The following VPS37D variants were observed in gnomAD, a reference collection of about 807,000 sequenced individuals.
VPS37D encodes the protein VPS37D subunit of ESCRT-I.
Under a neutral mutation model 22.0 loss-of-function variants are expected in VPS37D, and 5 were observed. The ratio of observed to expected loss-of-function variants is 0.23; its 90% confidence interval spans 0.12 to 0.48. The LOEUF (loss-of-function observed/expected upper bound fraction) is 0.48. VPS37D is among the 20% of genes least tolerant of loss of function. VPS37D has a pLI of 0.99. For synonymous variants in VPS37D, 174 were observed against 159.3 expected (o/e 1.09, Z -0.69); for missense variants, 384 against 345.8 (o/e 1.11, Z -0.88).
chr7:73,670,451 T>C (rs1797482891), intron 3 of VPS37D, among the ~76,000 whole-genome samples: 1 of 152,186 alleles, frequency 6.6e-6, no homozygotes, highest in Non-Finnish European at 1.5e-5. Context: ...ATACTTCACA[T>C]ATGTCCCTGC....
chr7:73,667,752 C>T (rs140425075), upstream of VPS37D: 6,404 of 153,216 alleles, frequency 0.042, 248 homozygotes, highest in South Asian at 0.19. Flanking sequence ...GGGAGGGGTG[C>T]GGCCCGCCTC....
At chr7:73,667,150 A>G (rs1554608801), upstream of VPS37D, among the ~76,000 whole-genome samples, 1 of 150,458 alleles carries the variant, frequency 6.6e-6, no homozygotes, top group African/African-American at 2.5e-5. Flanking sequence ...TTTTTTTTGT[A>G]TTTTTAGTAG....
In VPS37D at chr7:73,671,600, C is replaced by T. The variant is rs993538893; in HGVS notation, c.*224C>T. The T allele has an allele frequency of 2.3e-5, 6 of 258,328 alleles. No individual in the cohort carries two copies. The highest frequency in any genetic ancestry group is 8.9e-5 in the African/African-American group (4 of 45,006). 16.0% of individuals were successfully genotyped at this position (258,328 alleles called of 1,614,324 possible). On this transcript the variant is annotated 3_prime_UTR_variant, in exon 4 of 4. Transcript: ENST00000324941. ...TTTATGCCTCTGGCGCTGAAGACAC[C>T]CTGCCTTTTTTGTTTCCGTGCCCCG...
chr7:73,667,503 G>A (rs1430677098), upstream of VPS37D, among the ~76,000 whole-genome samples: 1 of 152,164 alleles, frequency 6.6e-6, no homozygotes, highest in Non-Finnish European at 1.5e-5. Context: ...GGGCTGCAAG[G>A]CAGGAGCCCT....
At position 73,669,583 on chromosome 7, in the gene VPS37D, G is replaced by A. The variant is rs1334286742; in HGVS notation, c.303G>A (p.Gln101=). 3.1e-6 allele frequency: 5 copies of A among 1,589,524 alleles called. No individual in the cohort carries two copies. The highest frequency in any genetic ancestry group is 4.3e-6 in the Non-Finnish European group (5 of 1,167,758). ...EVAENCADKL[Q]RLEESMHRWS... ...CCGAGAACTGCGCGGACAAGCTGCAGCGACTGGGTGAGGGCACGTCTGGGA... is the reference window on the plus strand; with the variant it reads ...CCGAGAACTGCGCGGACAAGCTGCAACGACTGGGTGAGGGCACGTCTGGGA... The change falls in exon 2 of 4, where the codon CAG becomes CAA. Residue 101 remains glutamine (Q), a synonymous_variant. Coordinates refer to ENST00000324941, the MANE Select transcript of VPS37D (RefSeq NM_001077621.2).
rs1797523423 is a variant in VPS37D, at chr7:73,671,775, G to C, written c.*399G>C. ...GCTCGCACAACGCCAAGGCCGCCAG[G>C]AGTGTTTTACATCATGTCCTGAGCC... On this transcript the variant is annotated 3_prime_UTR_variant, in exon 4 of 4. Coordinates refer to ENST00000324941, the MANE Select transcript of VPS37D (RefSeq NM_001077621.2). 2 of 152,644 alleles carry C rather than the reference G, an allele frequency of 1.3e-5. No individual in the cohort carries two copies. The highest frequency in any genetic ancestry group is 4.8e-5 in the African/African-American group (2 of 41,454). The allele number at this position is 152,644 out of a possible 1,614,324, so 9.5% of individuals were successfully genotyped here. A position where few individuals can be genotyped will look rare whatever the true frequency, so the allele number is the denominator to read the frequency against.
rs1797510090 is a variant in VPS37D, at chr7:73,671,352, G to A, written c.732G>A (p.Ser244=). Residue 244 remains serine (S), a synonymous_variant, in exon 4 of 4, where the codon TCG becomes TCA. Transcript: ENST00000324941. ...CCCCCCTGCTGAGCCCTCGGCCCTC[G>A]CAGCCAGAGCCCCCCCACCGGTAGG... is the stretch of plus-strand genomic sequence containing the variant. ...GPAPLLSPRP[S]QPEPPHR 7 of 1,375,968 alleles carry A rather than the reference G, an allele frequency of 5.1e-6. No homozygotes were observed. The highest frequency in any genetic ancestry group is 6.0e-5 in the East Asian group (2 of 33,364). The allele number at this position is 1,375,968 out of a possible 1,614,324, so 85.2% of individuals were successfully genotyped here. A position where few individuals can be genotyped will look rare whatever the true frequency, so the allele number is the denominator to read the frequency against.
In VPS37D at chr7:73,671,060, TCCTG is replaced by T; in HGVS notation, c.448_451del (p.Ala150SerfsTer10). 2 of 1,612,238 alleles carry T rather than the reference TCCTG, an allele frequency of 1.2e-6. No homozygotes were observed. The highest frequency in any genetic ancestry group is 1.7e-6 in the Non-Finnish European group (2 of 1,179,732). ...CTCGGGGAGCAAAGCCTGGAGGCCTTCCTGCCTGCCTTCCAGCGTGGCCGCGCCC... is the reference window on the plus strand; with the variant it reads ...CTCGGGGAGCAAAGCCTGGAGGCCTTCCTGCCTTCCAGCGTGGCCGCGCCC... On this transcript the variant is annotated frameshift_variant, in exon 4 of 4. Coordinates refer to ENST00000324941, the MANE Select transcript of VPS37D (RefSeq NM_001077621.2). LOFTEE classifies it high-confidence loss of function.
rs2116625878 is a variant in VPS37D, at chr7:73,668,013, T to C, written c.55T>C (p.Phe19Leu). ...GCCGGAGCCCGGCAGCCCGGGGCGC[T>C]TTGGGATCCTCAGCACCGGGCAGCT... ...AGPEPGSPGRFGILSTGQLRD... is the reference protein window; with the variant it reads ...AGPEPGSPGRLGILSTGQLRD... Residue 19 changes from phenylalanine (F) to leucine (L), a missense_variant, in exon 1 of 4, where the codon TTT becomes CTT. By Grantham distance (22) the Phe-to-Leu change is conservative (BLOSUM62 0). Coordinates refer to ENST00000324941, the MANE Select transcript of VPS37D (RefSeq NM_001077621.2). 2 of 1,128,592 alleles carry C rather than the reference T, an allele frequency of 1.8e-6. No individual in the cohort carries two copies. Among genetic ancestry groups the C allele is most frequent in the Non-Finnish European group, 2.2e-6 (2 of 914,362 alleles). The allele number at this position is 1,128,592 out of a possible 1,614,324, so 69.9% of individuals were successfully genotyped here.
At chr7:73,668,123 C>T (rs1554609003) in intron 1 of VPS37D, 27 bp downstream of exon 1, 1 of 1,071,814 alleles carries the variant, frequency 9.3e-7, no homozygotes, top group African/African-American at 1.7e-5. Context: ...GAGCGGGGGG[C>T]GCGGGGGACG....
chr7:73,671,346 GC>G lies in VPS37D; in HGVS notation c.729del (p.Ser244ArgfsTer81). The G allele has an allele frequency of 7.3e-7, 1 of 1,377,622 alleles. No individual in the cohort carries two copies. The highest frequency in any genetic ancestry group is 9.4e-7 in the Non-Finnish European group (1 of 1,067,718). The allele number at this position is 1,377,622 out of a possible 1,614,324, so 85.3% of individuals were successfully genotyped here. A position where few individuals can be genotyped will look rare whatever the true frequency, so the allele number is the denominator to read the frequency against. On this transcript the variant is annotated frameshift_variant, in exon 4 of 4. Transcript: ENST00000324941. LOFTEE classifies it high-confidence loss of function. ...LGPAPLLSPR[P>X]SQPEPPHR ...GCCCGGCCCCCCTGCTGAGCCCTCG[GC>G]CCTCGCAGCCAGAGCCCCCCCACCG...
chr7:73,671,315 C>T lies in VPS37D; in HGVS notation c.695C>T (p.Pro232Leu). ...VPPLKGSPGC[P>L]LGPAPLLSPR... is the part of the protein sequence containing the mutation. The stretch of plus-strand genomic sequence containing the variant: ...CCACTGAAGGGCTCCCCCGGGTGCC[C>T]CCTCGGCCCGGCCCCCCTGCTGAGC... Residue 232 changes from proline (P) to leucine (L), a missense_variant, in exon 4 of 4, where the codon CCC becomes CTC. Physicochemically the swap from Pro to Leu is moderately conservative, Grantham distance 98. Coordinates refer to ENST00000324941, the MANE Select transcript of VPS37D (RefSeq NM_001077621.2). 7.2e-7 allele frequency: 1 copy of T among 1,392,012 alleles called. No homozygotes were observed. Among genetic ancestry groups the T allele is most frequent in the South Asian group, 1.5e-5 (1 of 64,814 alleles). 86.2% of individuals were successfully genotyped at this position (1,392,012 alleles called of 1,614,324 possible). A position where few individuals can be genotyped will look rare whatever the true frequency, so the allele number is the denominator to read the frequency against.
intron 2 of VPS37D, 30 bp from the exon 3 acceptor site, chr7:73,669,986 CCTGT>C (rs1563539875): frequency 5.8e-6 from 9 of 1,551,350 alleles, no homozygotes; most frequent in African/African-American, 2.7e-5. Flanking sequence ...GGGGCCCTGG[CCTGT>C]CTGTCACTCT....
At chr7:73,670,477 A>G (rs1554609527) in intron 3 of VPS37D, among the ~76,000 whole-genome samples, 1 of 152,166 alleles carries the variant, frequency 6.6e-6, no homozygotes, top group Non-Finnish European at 1.5e-5. Flanking sequence ...CTCCTGCCTC[A>G]TCTCTGATCC....
At chr7:73,669,335 C>T (rs1033514955) in intron 1 of VPS37D, 84 bp from the exon 2 acceptor site, 25 of 1,442,806 alleles carry the variant, frequency 1.7e-5, no homozygotes, top group Middle Eastern at 2.6e-4. Context: ...CCCTCAGGCA[C>T]GGTCGCCCAG....
In VPS37D at chr7:73,670,810, GA is replaced by G. The variant is rs11414202; in HGVS notation, c.394-190del. Reference sequence around the variant, plus strand: ...GGACCACAGTGAGACTCTGTCTCAGGAAAAAAAAAAAAAAGTGGGAGGACAT... The same window carrying G: ...GGACCACAGTGAGACTCTGTCTCAGGAAAAAAAAAAAAAGTGGGAGGACAT... On this transcript the variant is annotated intron_variant, in intron 3 of 3. Transcript: ENST00000324941. Among the ~76,000 whole-genome samples the G allele has an allele frequency of 1.0e-3, 149 of 142,548 alleles. 1 individual carries two copies. Among genetic ancestry groups the G allele is most frequent in the African/African-American group, 1.7e-3 (64 of 38,524 alleles). 93.5% of individuals were successfully genotyped at this position (142,548 alleles called of 152,430 possible). A position where few individuals can be genotyped will look rare whatever the true frequency, so the allele number is the denominator to read the frequency against.
In VPS37D at chr7:73,671,651, C is replaced by A. The variant is rs1434788165; in HGVS notation, c.*275C>A. 3.8e-5 allele frequency: 7 copies of A among 183,382 alleles called. No individual in the cohort carries two copies. Among genetic ancestry groups the A allele is most frequent in the Non-Finnish European group, 7.9e-5 (7 of 88,852 alleles). The allele number at this position is 183,382 out of a possible 1,614,324, so 11.4% of individuals were successfully genotyped here. ...GGGCCTCTAGGGTGATGGACCAGCCCCGTTAAAGAACTTGACTCAACTACA... is the reference window on the plus strand; with the variant it reads ...GGGCCTCTAGGGTGATGGACCAGCCACGTTAAAGAACTTGACTCAACTACA... On this transcript the variant is annotated 3_prime_UTR_variant, in exon 4 of 4. Transcript: ENST00000324941.
Position 73,668,007 on chromosome 7 carries a change from G to A in VPS37D, c.49G>A (p.Gly17Arg). 8.9e-7 allele frequency: 1 copy of A among 1,125,772 alleles called. No homozygotes were observed. Among genetic ancestry groups the A allele is most frequent in the Non-Finnish European group, 1.1e-6 (1 of 913,590 alleles). 69.7% of individuals were successfully genotyped at this position (1,125,772 alleles called of 1,614,324 possible). The stretch of plus-strand genomic sequence containing the variant: ...GGCGGGGCCGGAGCCCGGCAGCCCG[G>A]GGCGCTTTGGGATCCTCAGCACCGG... ...ARAGPEPGSP[G>R]RFGILSTGQL... is the part of the protein sequence containing the mutation. The change falls in exon 1 of 4, where the codon GGG becomes AGG. Residue 17 changes from glycine (G) to arginine (R), a missense_variant. Coordinates refer to ENST00000324941, the MANE Select transcript of VPS37D (RefSeq NM_001077621.2).
Position 73,671,376 on chromosome 7 carries a change from G to A in VPS37D, c.756G>A (p.Ter252=). The A allele has an allele frequency of 7.3e-7, 1 of 1,374,242 alleles. No homozygotes were observed. The highest frequency in any genetic ancestry group is 9.4e-7 in the Non-Finnish European group (1 of 1,066,650). The allele number at this position is 1,374,242 out of a possible 1,614,324, so 85.1% of individuals were successfully genotyped here. The change falls in exon 4 of 4, where the codon TAG becomes TAA. Residue 252 remains the stop codon, a stop_retained_variant. Coordinates refer to ENST00000324941, the MANE Select transcript of VPS37D (RefSeq NM_001077621.2). ...CGCAGCCAGAGCCCCCCCACCGGTA[G>A]GATCCACGGTGCGGCCCCCCAGTTG... ...RPSQPEPPHR[*]
Sources: allele counts gnomAD v4.1 joint callset (sites outside exome capture counted in the v4.1 genomes callset), GRCh38; gene constraint gnomAD v4.1.1; transcripts MANE v1.5; gene names NCBI Gene and HGNC (gene_info 2026-07-23, HGNC 2026-07-21).